Variants in LRRN1 observed in about 807,000 individuals in gnomAD.
LRRN1 encodes leucine rich repeat neuronal 1.
LRRN1 carries 14 observed loss-of-function variants against 45.8 expected under a neutral mutation model. The ratio of observed to expected loss-of-function variants is 0.31; its 90% confidence interval spans 0.20 to 0.48. LRRN1 has a LOEUF of 0.48. Ranked by LOEUF, LRRN1 falls within the 20% of genes least tolerant of loss-of-function variation. LRRN1 has a pLI of 0.99. For synonymous variants in LRRN1, 359 were observed against 330.1 expected (o/e 1.09, Z -0.95); for missense variants, 789 against 874.2 (o/e 0.90, Z 1.23).
At position 3,849,503 on chromosome 3, in the gene LRRN1, C is replaced by A. The variant is rs4685690; in HGVS notation, c.*2711C>A. Among the ~76,000 whole-genome samples, 37,657 of 152,076 alleles carry A rather than the reference C, an allele frequency of 0.25. 6,264 individuals are homozygous for A. Among genetic ancestry groups the A allele is most frequent in the East Asian group, 0.46 (2,368 of 5,148 alleles). Reference sequence around the variant, plus strand: ...AATTAGACAGCCAGTGAAATTAGACCTCAAACTAGGTCCTGATGGATAATG... The same window carrying A: ...AATTAGACAGCCAGTGAAATTAGACATCAAACTAGGTCCTGATGGATAATG... On this transcript the variant is annotated 3_prime_UTR_variant, in exon 2 of 2. Coordinates refer to ENST00000319331, the MANE Select transcript of LRRN1 (RefSeq NM_020873.7).
Position 3,844,589 on chromosome 3 carries a change from C to A in LRRN1, c.-53C>A. ...CCTACATATCACAATATAGTGTTCACGTTTTGTTAAAACTTTGGGGTGTCA... is the reference window on the plus strand; with the variant it reads ...CCTACATATCACAATATAGTGTTCAAGTTTTGTTAAAACTTTGGGGTGTCA... On this transcript the variant is annotated 5_prime_UTR_variant, in exon 2 of 2. Transcript: ENST00000319331. 2.2e-6 allele frequency: 3 copies of A among 1,367,608 alleles called. No individual in the cohort carries two copies. Among genetic ancestry groups the A allele is most frequent in the South Asian group, 2.6e-5 (2 of 75,480 alleles). The allele number at this position is 1,367,608 out of a possible 1,614,324, so 84.7% of individuals were successfully genotyped here.
At chr3:3,844,018 C>T (rs975792124) in intron 1 of LRRN1, among the ~76,000 whole-genome samples, 1 of 152,002 alleles carries the variant, frequency 6.6e-6, no homozygotes, top group South Asian at 2.1e-4. Flanking sequence ...CTTAGTGTTC[C>T]TATTAAGTAT....
chr3:3,843,793 T>C (rs1693697038), intron 1 of LRRN1, among the ~76,000 whole-genome samples: 1 of 152,248 alleles, frequency 6.6e-6, no homozygotes. Context: ...TGAATATGTC[T>C]GCAGAATGTA....
chr3:3,830,381 G>C (rs911228337), intron 1 of LRRN1, among the ~76,000 whole-genome samples: 3 of 152,146 alleles, frequency 2.0e-5, no homozygotes, highest in African/African-American at 7.2e-5. Flanking sequence ...TCACACATCT[G>C]GCCATTTCTC....
chr3:3,817,985 G>A (rs567294973), intron 1 of LRRN1, among the ~76,000 whole-genome samples: 28 of 152,290 alleles, frequency 1.8e-4, no homozygotes, highest in South Asian at 2.1e-4. Flanking sequence ...AGTATTAGCC[G>A]CCTACATGTT....
At chr3:3,839,511 TAGAAATTACCATTGA>T (rs1231127003) in intron 1 of LRRN1, among the ~76,000 whole-genome samples, 2 of 152,162 alleles carry the variant, frequency 1.3e-5, no homozygotes, top group Non-Finnish European at 2.9e-5. Flanking sequence ...TTTTTTCCTG[TAGAAATTACCATTGA>T]GATTTTGATA....
At chr3:3,840,855 C>A (rs904716803) in intron 1 of LRRN1, among the ~76,000 whole-genome samples, 6 of 152,082 alleles carry the variant, frequency 3.9e-5, no homozygotes, top group African/African-American at 1.4e-4. Context: ...ATAATTTAAA[C>A]TAAAATGGGG....
intron 1 of LRRN1, among the ~76,000 whole-genome samples, chr3:3,834,694 G>C (rs1693468832): frequency 6.6e-6 from 1 of 150,720 alleles, no homozygotes; most frequent in South Asian, 2.1e-4. Flanking sequence ...GAGGAGCAAG[G>C]AGAACCAGTC....
In LRRN1 at chr3:3,816,177, G is replaced by A. The variant is rs1322809603; in HGVS notation, c.-279+16258G>A. On this transcript the variant is annotated intron_variant, in intron 1 of 1. Transcript: ENST00000319331. The surrounding 1 kb of genome is among the most constrained non-coding windows in gnomAD (Gnocchi z 4.0). ...TTTATAATGCATTTTAATGTTCTCA[G>A]CTGTTCCTTTGCACCATATGATTAC... 1.3e-5 allele frequency among the ~76,000 whole-genome samples: 2 copies of A among 152,054 alleles called. No homozygotes were observed. The highest frequency in any genetic ancestry group is 4.8e-5 in the African/African-American group (2 of 41,402).
chr3:3,822,229 A>G (rs570058636), intron 1 of LRRN1, among the ~76,000 whole-genome samples: 10 of 152,340 alleles, frequency 6.6e-5, no homozygotes, highest in East Asian at 3.9e-4. Context: ...AAATGATTCA[A>G]TGCAGTGCAT....
chr3:3,843,502 ACAATCTTTAGAATATTTTCATCATCTC>A (rs776477370), intron 1 of LRRN1, among the ~76,000 whole-genome samples: 13,103 of 152,128 alleles, frequency 0.086, 1,454 homozygotes, highest in African/African-American at 0.25. Context: ...AACCATCACC[ACAATCTTTAGAATATTTTCATCATCTC>A]AAAAAGATAC....
Position 3,844,796 on chromosome 3 carries a change from A to C in LRRN1, c.155A>C (p.Glu52Ala). Residue 52 changes from glutamate to alanine, a missense_variant, in exon 2 of 2, where the codon GAA becomes GCA. Coordinates refer to ENST00000319331, the MANE Select transcript of LRRN1 (RefSeq NM_020873.7). ...TTTACCCCACAGTCAACTTACAGAG[A>C]AGCCACCACTGTTGATTGCAATGAC... ...PWFTPQSTYR[E>A]ATTVDCNDLR... 1.2e-6 allele frequency: 2 copies of C among 1,614,146 alleles called. No individual in the cohort carries two copies. Among genetic ancestry groups the C allele is most frequent in the Non-Finnish European group, 1.7e-6 (2 of 1,180,012 alleles).
chr3:3,828,776 TGAA>T (rs1416231804), intron 1 of LRRN1, among the ~76,000 whole-genome samples: 8 of 152,022 alleles, frequency 5.3e-5, no homozygotes, highest in Non-Finnish European at 8.8e-5. Context: ...AGGAAAAAAA[TGAA>T]GATATTTTCT....
At chr3:3,801,903 T>C (rs757434246) in intron 1 of LRRN1, among the ~76,000 whole-genome samples, 48 of 152,216 alleles carry the variant, frequency 3.2e-4, no homozygotes, top group Non-Finnish European at 6.6e-4. Context: ...ACCCCTCAAC[T>C]TTTCGAGTTT....
At chr3:3,811,267 G>T (rs937671823) in intron 1 of LRRN1, among the ~76,000 whole-genome samples, 5 of 152,190 alleles carry the variant, frequency 3.3e-5, no homozygotes, top group Non-Finnish European at 7.3e-5. Flanking sequence ...CCTCCAGACT[G>T]AGTTAGTCAC....
intron 1 of LRRN1, among the ~76,000 whole-genome samples, chr3:3,812,490 G>C (rs887665988): frequency 6.6e-6 from 1 of 152,188 alleles, no homozygotes; most frequent in African/African-American, 2.4e-5. Flanking sequence ...GTGTGGCTTA[G>C]AATAGAATAA....
intron 1 of LRRN1, among the ~76,000 whole-genome samples, chr3:3,839,592 T>A (rs1413555405): frequency 6.6e-6 from 1 of 152,178 alleles, no homozygotes; most frequent in African/African-American, 2.4e-5. Context: ...ATGACAATAT[T>A]AAATTTTCCA....
At chr3:3,833,038 T>A (rs1035197789) in intron 1 of LRRN1, among the ~76,000 whole-genome samples, 12 of 152,186 alleles carry the variant, frequency 7.9e-5, no homozygotes, top group Non-Finnish European at 1.8e-4. Flanking sequence ...CCCACTGTAT[T>A]TAAATTTTGT....
At chr3:3,806,423 G>C (rs1169714915) in intron 1 of LRRN1, among the ~76,000 whole-genome samples, 2 of 152,208 alleles carry the variant, frequency 1.3e-5, no homozygotes, top group Middle Eastern at 3.2e-3. Context: ...CAAGTGCTCA[G>C]CAGGAGACGA....
Sources: gnomAD v4.1 joint callset for allele counts (sites outside exome capture counted in the v4.1 genomes callset) on GRCh38, gnomAD v4.1.1 for gene constraint, Gnocchi (gnomAD v3.1) non-coding constraint, MANE v1.5 for transcripts, NCBI Gene and HGNC (gene_info 2026-07-23, HGNC 2026-07-21) for gene names.